Variants in SP140 observed in about 807,000 individuals in gnomAD.
The protein encoded by SP140 is SP140 nuclear body protein.
In SP140, 81 loss-of-function variants were observed where a neutral mutation model predicts 125.0. The observed-to-expected ratio is 0.65, with a 90% CI of 0.54 to 0.78. The LOEUF (loss-of-function observed/expected upper bound fraction) is 0.78, where lower values mean the gene tolerates loss of function less well. SP140 is among the 30% of genes least tolerant of loss of function. SP140 has a pLI of 0.00. For synonymous variants in SP140, 312 were observed against 354.0 expected (o/e 0.88, Z 1.33); for missense variants, 858 against 1,037.0 (o/e 0.83, Z 2.37).
chr2:230,314,253 C>T (rs1462095275), downstream of SP140, among the ~76,000 whole-genome samples: 1 of 152,160 alleles, frequency 6.6e-6, no homozygotes, highest in Non-Finnish European at 1.5e-5. Context: ...GAGCTACCAC[C>T]CCCACCCAAC....
intron 1 of SP140, among the ~76,000 whole-genome samples, chr2:230,230,951 T>C (rs530020875): frequency 4.6e-5 from 7 of 152,366 alleles, no homozygotes; most frequent in African/African-American, 1.7e-4. Context: ...TTTTTCCTTT[T>C]TTTTTCCTCT....
chr2:230,195,350 T>C, the SP140 span, among the ~76,000 whole-genome samples: 352 of 152,264 alleles, frequency 2.3e-3, 2 homozygotes, highest in Non-Finnish European at 2.5e-3. Flanking sequence ...AAAAAGTTTT[T>C]TGGGGACAGA....
At chr2:230,268,340 A>G (rs1007881200) in intron 12 of SP140, among the ~76,000 whole-genome samples, 5 of 152,110 alleles carry the variant, frequency 3.3e-5, no homozygotes, top group Admixed American at 1.3e-4. Flanking sequence ...CCTGGCCAAC[A>G]TGGAGAAATC....
chr2:230,188,798 T>TAA, the SP140 span, among the ~76,000 whole-genome samples: 1 of 152,226 alleles, frequency 6.6e-6, no homozygotes, highest in African/African-American at 2.4e-5. Context: ...TTGCATGTGT[T>TAA]AAACCATCCC....
At chr2:230,309,735 T>A (rs1559378744) in intron 22 of SP140, among the ~76,000 whole-genome samples, 189 bp from the exon 23 acceptor site, 1 of 152,240 alleles carries the variant, frequency 6.6e-6, no homozygotes, top group Non-Finnish European at 1.5e-5. Flanking sequence ...TACCCCTTCC[T>A]CCTGAACTTC....
Position 230,292,698 on chromosome 2 carries a change from G to A in SP140, c.1878G>A (p.Thr626=), listed in dbSNP as rs753130962. 3.1e-6 allele frequency: 5 copies of A among 1,614,162 alleles called. No individual in the cohort carries two copies. Among genetic ancestry groups the A allele is most frequent in the African/African-American group, 1.3e-5 (1 of 75,036 alleles). The part of the protein sequence containing the change: ...QTEDGKWFTP[T]EFEIKGGHAR... ...AGGATGGAAAATGGTTCACCCCCAC[G>A]GAATTTGAAATCAAAGGAGGCCATG... The change falls in exon 20 of 27, where the codon ACG becomes ACA. Residue 626 remains threonine, a synonymous_variant. Transcript: ENST00000392045.
At chr2:230,278,252 T>A (rs951139615) in intron 15 of SP140, among the ~76,000 whole-genome samples, 1 of 152,134 alleles carries the variant, frequency 6.6e-6, no homozygotes, top group African/African-American at 2.4e-5. Flanking sequence ...TTGCTTTTTT[T>A]ATAATCCATT....
At chr2:230,262,854 T>C (rs1010254902) in intron 12 of SP140, among the ~76,000 whole-genome samples, 7 of 152,164 alleles carry the variant, frequency 4.6e-5, no homozygotes. Flanking sequence ...CTTAAATTTA[T>C]TGAGGCTCGT....
At chr2:230,255,595 G>T in intron 12 of SP140, 63 bp downstream of exon 12, 2 of 1,485,430 alleles carry the variant, frequency 1.3e-6, no homozygotes, top group South Asian at 2.3e-5. Flanking sequence ...TGAATTTGGA[G>T]CTCGTGTTTC....
chr2:230,275,546 C>A (rs190100363), intron 15 of SP140, among the ~76,000 whole-genome samples: 34 of 152,302 alleles, frequency 2.2e-4, no homozygotes, highest in African/African-American at 8.2e-4. Flanking sequence ...AACTGCTTCA[C>A]TGACCAGCTG....
chr2:230,262,610 C>T (rs1270277953), intron 12 of SP140, among the ~76,000 whole-genome samples: 45 of 152,146 alleles, frequency 3.0e-4, no homozygotes, highest in Admixed American at 2.9e-3. Flanking sequence ...CCTCTTAGCA[C>T]CGCCTTTGCT....
At chr2:230,265,793 G>A (rs34790921) in intron 12 of SP140, among the ~76,000 whole-genome samples, 1 of 145,504 alleles carries the variant, frequency 6.9e-6, no homozygotes, top group Non-Finnish European at 1.6e-5. Flanking sequence ...AGTTTTACGG[G>A]GGGGGGCGGT....
the SP140 span, among the ~76,000 whole-genome samples, chr2:230,186,487 T>C: frequency 6.6e-6 from 1 of 151,512 alleles, no homozygotes; most frequent in Non-Finnish European, 1.5e-5. Context: ...TTTGAAAATA[T>C]TAAATGTATT....
chr2:230,205,607 A>G (rs79253659), intron 1 of SP140, among the ~76,000 whole-genome samples: 19,120 of 152,154 alleles, frequency 0.13, 1,348 homozygotes, highest in South Asian at 0.27. Flanking sequence ...TTAAAAAAAA[A>G]ATCTGTCTTC....
intron 22 of SP140, among the ~76,000 whole-genome samples, chr2:230,301,173 A>C (rs574240395): frequency 2.6e-5 from 4 of 152,356 alleles, no homozygotes; most frequent in Non-Finnish European, 5.9e-5. Context: ...ACCTAAGAAT[A>C]ATTTGTGTTC....
upstream of SP140, chr2:230,221,725 C>G (rs76543029): frequency 3.1e-4 from 471 of 1,536,064 alleles, 2 homozygotes; most frequent in East Asian, 0.011. Flanking sequence ...TCCCCATCAC[C>G]TGGAAAGCCC....
chr2:230,293,336 A>T (rs987153385), intron 20 of SP140, among the ~76,000 whole-genome samples: 2 of 152,060 alleles, frequency 1.3e-5, no homozygotes. Flanking sequence ...ACAATATTTT[A>T]TTTTATTTAT....
intron 1 of SP140, among the ~76,000 whole-genome samples, chr2:230,233,364 G>A (rs1284673989): frequency 6.6e-6 from 1 of 151,928 alleles, no homozygotes; most frequent in Non-Finnish European, 1.5e-5. Context: ...TCCAGCCTGG[G>A]TGACAGAGCG....
At chr2:230,238,467 A>G (rs2048280610) in intron 3 of SP140, 86 bp downstream of exon 3, 2 of 1,347,162 alleles carry the variant, frequency 1.5e-6, no homozygotes, top group Middle Eastern at 1.9e-4. Flanking sequence ...ATATTTGACA[A>G]ATATTTGACT....
Sources: gnomAD v4.1 joint callset for allele counts (sites outside exome capture counted in the v4.1 genomes callset) on GRCh38, gnomAD v4.1.1 for gene constraint, MANE v1.5 for transcripts, NCBI Gene and HGNC (gene_info 2026-07-23, HGNC 2026-07-21) for gene names.